PRKN: variants seen among roughly 807,000 people sequenced by gnomAD.
PRKN encodes the protein E3 ubiquitin-protein ligase parkin.
A neutral mutation model predicts 59.5 loss-of-function variants in PRKN; 56 were observed. The ratio of observed to expected loss-of-function variants is 0.94; its 90% CI spans 0.76 to 1.18. The LOEUF is 1.18. Among genes scored for constraint, PRKN ranks in the 50% most tolerant of loss-of-function variants. The probability of loss-of-function intolerance (pLI) is 0.00; values close to 1 mark genes in which losing one functional copy is unlikely to be tolerated. For missense variants in PRKN, 657 were observed against 596.4 expected (o/e 1.10, Z -1.06); for synonymous variants, 250 against 222.1 (o/e 1.13, Z -1.12).
intron 2 of PRKN, among the ~76,000 whole-genome samples, chr6:162,318,554 T>G (rs1206258241): frequency 1.3e-5 from 2 of 152,100 alleles, no homozygotes; most frequent in African/African-American, 2.4e-5. Flanking sequence ...CCACAGCGGT[T>G]GCACCAGCAA....
intron 2 of PRKN, among the ~76,000 whole-genome samples, chr6:162,430,615 GT>G (rs1363128065): frequency 3.3e-5 from 5 of 151,874 alleles, no homozygotes; most frequent in Non-Finnish European, 7.4e-5. Flanking sequence ...TAAAAACAGA[GT>G]TGGGGTTTAA....
rs1355740049 is a variant in PRKN at position 161,588,741 on chromosome 6, A to G, written c.872-19325T>C. 6.6e-6 allele frequency among the ~76,000 whole-genome samples: 1 copy of G among 152,174 alleles called. No homozygotes were observed. The highest frequency in any genetic ancestry group is 2.4e-5 in the African/African-American group (1 of 41,456). The stretch of plus-strand genomic sequence containing the variant: ...CACCCAAAGTGGTTTTTGAGAGGAC[A>G]CCATCATCTCTAGAAAATAAACCCA... On this transcript the variant is annotated intron_variant, in intron 7 of 11. Coordinates refer to ENST00000366898, the MANE Select transcript of PRKN (RefSeq NM_004562.3). This position sits in a 1 kb window ranked among gnomAD's most constrained non-coding sequence, Gnocchi z 5.0.
At position 161,950,681 on chromosome 6, in the gene PRKN, G is replaced by A. The variant is rs143256271; in HGVS notation, c.734+22621C>T. On this transcript the variant is annotated intron_variant, in intron 6 of 11. Transcript: ENST00000366898. ...CCTGTGAACTTGCTAAGGGTATGGC[G>A]TTGTAGGGACTGTGAAAGATGAATG... is the stretch of plus-strand genomic sequence containing the variant. 9.2e-5 allele frequency among the ~76,000 whole-genome samples: 14 copies of A among 152,268 alleles called. No homozygotes were observed. In the East Asian group the frequency reaches 2.1e-3, roughly 23 times the overall value.
At chr6:161,612,386 A>G (rs959840354) in intron 7 of PRKN, among the ~76,000 whole-genome samples, 2 of 152,170 alleles carry the variant, frequency 1.3e-5, no homozygotes, top group Admixed American at 1.3e-4. Context: ...GTAGAAACCA[A>G]TGCTCATTTA....
rs1779778003 is a variant in PRKN at position 161,545,900 on chromosome 6, C to T, written c.1083+2954G>A. 6.6e-6 allele frequency among the ~76,000 whole-genome samples: 1 copy of T among 152,188 alleles called. No individual in the cohort carries two copies. Among genetic ancestry groups the T allele is most frequent in the Non-Finnish European group, 1.5e-5 (1 of 68,036 alleles). On this transcript the variant is annotated intron_variant, in intron 9 of 11. Coordinates refer to ENST00000366898, the MANE Select transcript of PRKN (RefSeq NM_004562.3). This position sits in a 1 kb window ranked among gnomAD's most constrained non-coding sequence, Gnocchi z 4.1. ...GAAAAGTCTGTTGGGATGTCCTGAA[C>T]CACAGGCATCACATTTCCTGTGTAA...
chr6:161,779,487 C>A, intron 7 of PRKN, among the ~76,000 whole-genome samples: 1 of 96,224 alleles, frequency 1.0e-5, no homozygotes, highest in African/African-American at 4.1e-5. Flanking sequence ...CTCTGTCACT[C>A]AGTCTGGAGT....
intron 4 of PRKN, among the ~76,000 whole-genome samples, chr6:162,174,571 C>T (rs1783447416): frequency 6.6e-6 from 1 of 152,200 alleles, no homozygotes; most frequent in African/African-American, 2.4e-5. Context: ...AGGTATCACA[C>T]ATCTTGGGTT....
Position 161,579,158 on chromosome 6 carries a change from T to C in PRKN, c.872-9742A>G, listed in dbSNP as rs1200963905. On this transcript the variant is annotated intron_variant, in intron 7 of 11. Coordinates refer to ENST00000366898, the MANE Select transcript of PRKN (RefSeq NM_004562.3). This position sits in a 1 kb window ranked among gnomAD's most constrained non-coding sequence, Gnocchi z 4.2. Reference sequence around the variant, plus strand: ...AAGGAAAGGGAGGAAGTGAAGGAGATGGAATTTTGTGCTCTCTTTAATATG... The same window carrying C: ...AAGGAAAGGGAGGAAGTGAAGGAGACGGAATTTTGTGCTCTCTTTAATATG... 6.6e-6 allele frequency among the ~76,000 whole-genome samples: 1 copy of C among 152,210 alleles called. No individual in the cohort carries two copies. Among genetic ancestry groups the C allele is most frequent in the Non-Finnish European group, 1.5e-5 (1 of 68,036 alleles).
chr6:162,563,595 C>G (rs943657257), intron 1 of PRKN, among the ~76,000 whole-genome samples: 1 of 152,172 alleles, frequency 6.6e-6, no homozygotes, highest in African/African-American at 2.4e-5. Context: ...CCCAACTCTT[C>G]AATGCCCAGA....
intron 1 of PRKN, among the ~76,000 whole-genome samples, chr6:162,686,990 T>C (rs534692203): frequency 6.6e-6 from 1 of 152,140 alleles, no homozygotes; most frequent in Non-Finnish European, 1.5e-5. Context: ...TGTTTTGTTT[T>C]GCTTAGGCTT....
intron 10 of PRKN, among the ~76,000 whole-genome samples, chr6:161,368,276 T>G (rs1785290351): frequency 6.9e-6 from 1 of 145,810 alleles, no homozygotes; most frequent in African/African-American, 2.5e-5. Flanking sequence ...TATTTATATA[T>G]ATGTATATAT....
intron 4 of PRKN, among the ~76,000 whole-genome samples, chr6:162,081,321 T>C (rs527535046): frequency 6.6e-6 from 1 of 152,218 alleles, no homozygotes; most frequent in East Asian, 1.9e-4. Context: ...CTATGAGAGC[T>C]ATAGCATCAT....
chr6:162,319,792 C>T (rs1418452730), intron 2 of PRKN, among the ~76,000 whole-genome samples: 1 of 151,888 alleles, frequency 6.6e-6, no homozygotes, highest in Non-Finnish European at 1.5e-5. Flanking sequence ...ATACATAATA[C>T]ATACACAAAT....
intron 6 of PRKN, among the ~76,000 whole-genome samples, chr6:161,922,697 T>C (rs1325549467): frequency 6.6e-6 from 1 of 152,184 alleles, no homozygotes; most frequent in Non-Finnish European, 1.5e-5. Flanking sequence ...CATGTTTGGA[T>C]ACCATGTAAC....
At chr6:162,307,013 ACTAT>A (rs1203270390) in intron 2 of PRKN, among the ~76,000 whole-genome samples, 1 of 152,170 alleles carries the variant, frequency 6.6e-6, no homozygotes, top group Non-Finnish European at 1.5e-5. Flanking sequence ...TATTTTTAAA[ACTAT>A]CTATCTGTGG....
At chr6:161,464,812 A>C (rs1790379225) in intron 9 of PRKN, among the ~76,000 whole-genome samples, 1 of 152,226 alleles carries the variant, frequency 6.6e-6, no homozygotes, top group South Asian at 2.1e-4. Flanking sequence ...CAGTGAAACG[A>C]ATTAGTCAAA....
chr6:162,327,111 G>A (rs889240001), intron 2 of PRKN, among the ~76,000 whole-genome samples: 15 of 152,026 alleles, frequency 9.9e-5, no homozygotes, highest in South Asian at 2.1e-4. Context: ...AGGAAATACC[G>A]CCCTTCCAAT....
intron 1 of PRKN, among the ~76,000 whole-genome samples, chr6:162,567,253 C>A (rs1780121921): frequency 6.6e-6 from 1 of 152,058 alleles, no homozygotes; most frequent in African/African-American, 2.4e-5. Context: ...CAACATAGTA[C>A]TGGAAGTCCT....
chr6:162,685,749 G>T (rs1270962807), intron 1 of PRKN, among the ~76,000 whole-genome samples: 2 of 152,198 alleles, frequency 1.3e-5, no homozygotes, highest in East Asian at 3.9e-4. Context: ...CAGATATATG[G>T]ACAACTTCCA....
Sources: allele counts gnomAD v4.1 joint callset (sites outside exome capture counted in the v4.1 genomes callset), GRCh38; gene constraint gnomAD v4.1.1; non-coding constraint Gnocchi (gnomAD v3.1); transcripts MANE v1.5; gene names NCBI Gene and HGNC (gene_info 2026-07-23, HGNC 2026-07-21).